Variants in RECQL5 observed in about 807,000 individuals in gnomAD.
The protein encoded by RECQL5 is RecQ like helicase 5, also known as ATP-dependent DNA helicase Q5.
In RECQL5, 88 loss-of-function variants were observed where a neutral mutation model predicts 103.4. The ratio of observed to expected loss-of-function variants is 0.85; its 90% confidence interval spans 0.72 to 1.02. The LOEUF is 1.02. Among genes scored for constraint, RECQL5 ranks in the 50% least tolerant of loss-of-function variants. The probability of loss-of-function intolerance (pLI) is 0.00; values close to 1 mark genes in which losing one functional copy is unlikely to be tolerated. For missense variants in RECQL5, 1,232 were observed against 1,284.3 expected (o/e 0.96, Z 0.62); for synonymous variants, 552 against 507.9 (o/e 1.09, Z -1.17).
rs751133543 is a variant in RECQL5 at position 75,662,983 on chromosome 17, G to A, written c.267C>T (p.His89=). 7.5e-6 allele frequency: 12 copies of A among 1,604,728 alleles called. No individual in the cohort carries two copies. The Admixed American group carries it at 2.0e-4, about 27-fold the overall frequency. Residue 89 remains histidine, a synonymous_variant, in exon 4 of 20, where the codon CAC becomes CAT. Transcript: ENST00000317905. Reference sequence around the variant, plus strand: ...TTACTCGTACCTTTAGGGTTAGCAAGTGGTCCACTTGGTCCTAAGAGAAGA... The same window carrying A: ...TTACTCGTACCTTTAGGGTTAGCAAATGGTCCACTTGGTCCTAAGAGAAGA... ...LIALIQDQVD[H]LLTLKVRVSS...
In RECQL5 at chr17:75,660,928, G is replaced by A. The variant is rs754495975; in HGVS notation, c.986+27C>T. 7.9e-6 allele frequency: 12 copies of A among 1,526,570 alleles called. No individual in the cohort carries two copies. In the South Asian group the frequency reaches 1.2e-4, roughly 16 times the overall value. 94.6% of individuals were successfully genotyped at this position (1,526,570 alleles called of 1,614,324 possible). A position where few individuals can be genotyped will look rare whatever the true frequency, so the allele number is the denominator to read the frequency against. On this transcript the variant is annotated intron_variant, in intron 6 of 19. Transcript: ENST00000317905. ...CCACCCTGAGCCAGGCCCAGACCAG[G>A]AGGGCAGGGCAAGAACCAAAGCTCA...
rs202020084 is a variant in RECQL5 at position 75,629,056 on chromosome 17, G to A, written c.2367C>T (p.Pro789=). ...GGGGTCCCTGAACCCCCTCACAGGA[G>A]GGGCAGGCACCTTCTGCCTCTGGGG... ...ASAPEAEGAC[P]SCEGVQGPPM... is the part of the protein sequence containing the mutation. Residue 789 remains proline, a synonymous_variant, in exon 16 of 20, where the codon CCC becomes CCT. Coordinates refer to ENST00000317905, the MANE Select transcript of RECQL5 (RefSeq NM_004259.7). 2.7e-5 allele frequency: 44 copies of A among 1,605,496 alleles called. No individual in the cohort carries two copies. In the African/African-American group the frequency reaches 4.4e-4, roughly 16 times the overall value.
At chr17:75,633,689 C>A in intron 8 of RECQL5, 1 of 1,141,446 alleles carries the variant, frequency 8.8e-7, no homozygotes, top group Non-Finnish European at 1.1e-6. Context: ...GCCAGAGGGA[C>A]AGAAGGGGTG....
chr17:75,650,863 G>T (rs890884145), intron 8 of RECQL5: 89 of 1,465,980 alleles, frequency 6.1e-5, no homozygotes, highest in Non-Finnish European at 7.8e-5. Flanking sequence ...GGCACATGAT[G>T]ACCACAAAGC....
Position 75,629,837 on chromosome 17 carries a change from G to C in RECQL5, c.1818C>G (p.Ala606=). 1 of 1,605,386 alleles carries C rather than the reference G, an allele frequency of 6.2e-7. No individual in the cohort carries two copies. The highest frequency in any genetic ancestry group is 8.5e-7 in the Non-Finnish European group (1 of 1,174,864). The part of the protein sequence containing the change: ...LYKASVLKKV[A]DIHRASKDGQ... The stretch of plus-strand genomic sequence containing the variant: ...CATCCTTGGAGGCTCTGTGGATATC[G>C]GCCACCTGGGCAGGGATAGGCAGGG... Residue 606 remains alanine (A), a synonymous_variant, in exon 15 of 20, where the codon GCC becomes GCG. Transcript: ENST00000317905.
In RECQL5 at chr17:75,629,648, C is replaced by A. The variant is rs1194952676; in HGVS notation, c.1947+60G>T. Reference sequence around the variant, plus strand: ...TTGGCAAGAGGTGCACCCCTGAGGGCAGAGGGGAAGTGAAGCCTTTCCTGG... The same window carrying A: ...TTGGCAAGAGGTGCACCCCTGAGGGAAGAGGGGAAGTGAAGCCTTTCCTGG... On this transcript the variant is annotated intron_variant, in intron 15 of 19. Coordinates refer to ENST00000317905, the MANE Select transcript of RECQL5 (RefSeq NM_004259.7). 6.4e-6 allele frequency: 10 copies of A among 1,551,166 alleles called. No individual in the cohort carries two copies. In the South Asian group the frequency reaches 1.2e-4, roughly 19 times the overall value.
At chr17:75,663,163 G>A (rs992510606) in intron 3 of RECQL5, among the ~76,000 whole-genome samples, 166 bp from the exon 4 acceptor site, 4 of 151,990 alleles carry the variant, frequency 2.6e-5, no homozygotes, top group African/African-American at 7.3e-5. Flanking sequence ...CAAATGCTTG[G>A]GACCAAAAGT....
At chr17:75,633,264 G>A (rs906909888) in intron 8 of RECQL5, among the ~76,000 whole-genome samples, 1 of 152,234 alleles carries the variant, frequency 6.6e-6, no homozygotes, top group East Asian at 1.9e-4. Flanking sequence ...CTCAGGCCCT[G>A]ACTCACTGGG....
chr17:75,647,710 T>G, intron 8 of RECQL5: 2 of 766,170 alleles, frequency 2.6e-6, no homozygotes, highest in Non-Finnish European at 4.2e-6. Flanking sequence ...TCTAGTAAAA[T>G]ACTGTATCTG....
At chr17:75,658,113 A>G (rs58739154) in intron 7 of RECQL5, among the ~76,000 whole-genome samples, 185 bp downstream of exon 7, 8,237 of 152,244 alleles carry the variant, frequency 0.054, 252 homozygotes, top group Admixed American at 0.069. Context: ...TTTAGAAAGA[A>G]AAAGTCTAAC....
intron 8 of RECQL5, among the ~76,000 whole-genome samples, chr17:75,635,463 G>A (rs977820762): frequency 3.3e-5 from 5 of 152,238 alleles, no homozygotes; most frequent in African/African-American, 1.2e-4. Flanking sequence ...TGCAGAAAGA[G>A]CGCCTACTGT....
chr17:75,659,412 C>T (rs1400184008), intron 6 of RECQL5, among the ~76,000 whole-genome samples: 3 of 152,140 alleles, frequency 2.0e-5, no homozygotes, highest in Non-Finnish European at 4.4e-5. Flanking sequence ...CGCTAGAGTA[C>T]AGTGGCACAA....
chr17:75,626,874 C>T lies in RECQL5; in HGVS notation c.*548G>A, dbSNP rs145945959. The T allele has an allele frequency of 2.7e-4, 102 of 383,900 alleles. No homozygotes were observed. The highest frequency in any genetic ancestry group is 1.9e-3 in the African/African-American group (92 of 48,466). 23.8% of individuals were successfully genotyped at this position (383,900 alleles called of 1,614,324 possible). ...AGGGCTGTGTGCACGCCTGCATGCCCCACAACAACACAACTTTATTCCTCT... is the reference window on the plus strand; with the variant it reads ...AGGGCTGTGTGCACGCCTGCATGCCTCACAACAACACAACTTTATTCCTCT... On this transcript the variant is annotated 3_prime_UTR_variant, in exon 20 of 20. Coordinates refer to ENST00000317905, the MANE Select transcript of RECQL5 (RefSeq NM_004259.7).
intron 8 of RECQL5, among the ~76,000 whole-genome samples, chr17:75,647,100 G>C (rs1164781456): frequency 6.6e-6 from 1 of 152,244 alleles, no homozygotes; most frequent in Non-Finnish European, 1.5e-5. Flanking sequence ...AGAAGGACTG[G>C]AGAATCCAGG....
chr17:75,650,273 G>A, intron 8 of RECQL5: 1 of 1,002,620 alleles, frequency 1.0e-6, no homozygotes, highest in Non-Finnish European at 1.2e-6. Flanking sequence ...AGAGACAGCA[G>A]TTTGGAGAAG....
At chr17:75,645,521 A>G (rs1458703426) in intron 8 of RECQL5, among the ~76,000 whole-genome samples, 2 of 152,220 alleles carry the variant, frequency 1.3e-5, no homozygotes, top group East Asian at 3.8e-4. Flanking sequence ...AATTACAAGT[A>G]CAACTGCCAT....
At chr17:75,637,283 G>A (rs1455210318) in intron 8 of RECQL5, 1 of 152,374 alleles carries the variant, frequency 6.6e-6, no homozygotes, top group Non-Finnish European at 1.5e-5. Flanking sequence ...TTGAAGGAGT[G>A]TCTCTGCTGG....
chr17:75,635,005 G>A (rs556194311), intron 8 of RECQL5, among the ~76,000 whole-genome samples: 1 of 152,270 alleles, frequency 6.6e-6, no homozygotes, highest in Non-Finnish European at 1.5e-5. Context: ...AGCCCTCCTG[G>A]GCAGGGCCCG....
At chr17:75,650,012 T>C in intron 8 of RECQL5, 1 of 985,608 alleles carries the variant, frequency 1.0e-6, no homozygotes, top group Non-Finnish European at 1.2e-6. Flanking sequence ...CCAGAGAGCA[T>C]TCCAGAGCCT....
Sources: allele counts gnomAD v4.1 joint callset (sites outside exome capture counted in the v4.1 genomes callset), GRCh38; gene constraint gnomAD v4.1.1; transcripts MANE v1.5; gene names NCBI Gene and HGNC (gene_info 2026-07-23, HGNC 2026-07-21).